The following IQSEC1 variants were observed in gnomAD, a reference collection of about 807,000 sequenced individuals.
The protein encoded by IQSEC1 is IQ motif and SEC7 domain-containing protein 1.
Under a neutral mutation model 91.0 loss-of-function variants are expected in IQSEC1, and 31 were observed. The ratio of observed to expected loss-of-function variants is 0.34; its 90% CI spans 0.26 to 0.46. The LOEUF (loss-of-function observed/expected upper bound fraction) is 0.46, where lower values mean the gene tolerates loss of function less well. Ranked by LOEUF, IQSEC1 falls within the 20% of genes least tolerant of loss-of-function variation. The pLI is 1.00. For missense variants in IQSEC1, 1,388 were observed against 1,575.6 expected, an observed-to-expected ratio of 0.88 and a Z score of 2.02; for synonymous variants, 699 against 662.6, an observed-to-expected ratio of 1.05 and a Z score of -0.84.
At chr3:13,052,135 C>T (rs1381709511) in intron 1 of IQSEC1, among the ~76,000 whole-genome samples, 2 of 152,168 alleles carry the variant, frequency 1.3e-5, no homozygotes, top group African/African-American at 4.8e-5. Context: ...TGTGTGTGGC[C>T]AGCATGATGA....
chr3:13,045,072 G>T (rs1473112915), intron 1 of IQSEC1, among the ~76,000 whole-genome samples: 1 of 152,216 alleles, frequency 6.6e-6, no homozygotes, highest in East Asian at 1.9e-4. Context: ...AGGCAAGATG[G>T]CAGGATGGGG....
Position 12,900,108 on chromosome 3 carries a change from C to T in IQSEC1, c.*875G>A, listed in dbSNP as rs1265223478. On this transcript the variant is annotated 3_prime_UTR_variant, in exon 14 of 14. Transcript: ENST00000613206. ...GAGTGTACTGCAGTTTAGCTATTTG[C>T]TTACCTGAAATAACAGCATTATAAT... The T allele has an allele frequency of 3.1e-6, 3 of 979,848 alleles. No homozygotes were observed. In the African/African-American group the frequency reaches 5.3e-5, roughly 17 times the overall value. 60.7% of individuals were successfully genotyped at this position (979,848 alleles called of 1,614,324 possible).
intron 2 of IQSEC1, among the ~76,000 whole-genome samples, chr3:13,151,239 G>C (rs919578030): frequency 2.0e-5 from 3 of 152,196 alleles, no homozygotes; most frequent in Admixed American, 1.3e-4. Flanking sequence ...GCTTCTCTAA[G>C]AGAGAGGTGG....
intron 1 of IQSEC1, among the ~76,000 whole-genome samples, chr3:13,219,052 T>C (rs1023852095): frequency 2.0e-5 from 3 of 152,194 alleles, no homozygotes; most frequent in East Asian, 3.9e-4. Flanking sequence ...TGGGCCACCA[T>C]GTCAGTCTCC....
chr3:12,936,712 G>A lies in IQSEC1; in HGVS notation c.319-15C>T. ...AGCATCTCCACCTGCGGGTGGGAGA[G>A]GAGAATGAGAACAGCACTGCATGTA... On this transcript the variant is annotated splice_polypyrimidine_tract_variant and intron_variant, in intron 2 of 13. Transcript: ENST00000613206. 6.4e-7 allele frequency: 1 copy of A among 1,554,214 alleles called. No homozygotes were observed. Among genetic ancestry groups the A allele is most frequent in the South Asian group, 1.2e-5 (1 of 84,992 alleles).
At chr3:13,109,332 G>T (rs538013655) in intron 2 of IQSEC1, among the ~76,000 whole-genome samples, 1 of 152,140 alleles carries the variant, frequency 6.6e-6, no homozygotes, top group South Asian at 2.1e-4. Flanking sequence ...AGGAAATAAG[G>T]TGAAATACAA....
At chr3:13,054,107 G>A (rs532679536) in intron 1 of IQSEC1, among the ~76,000 whole-genome samples, 4 of 152,308 alleles carry the variant, frequency 2.6e-5, no homozygotes, top group South Asian at 2.1e-4. Context: ...CCTGGCAGGC[G>A]TTCCCCTGCC....
chr3:13,165,111 G>A (rs1051058822), intron 1 of IQSEC1, among the ~76,000 whole-genome samples: 10 of 152,162 alleles, frequency 6.6e-5, no homozygotes, highest in African/African-American at 1.7e-4. Context: ...CAGCCTGGTC[G>A]CGCTCACCAG....
intron 1 of IQSEC1, among the ~76,000 whole-genome samples, chr3:13,014,801 C>T (rs1393084126): frequency 6.6e-6 from 1 of 152,178 alleles, no homozygotes; most frequent in African/African-American, 2.4e-5. Context: ...CCCCAACACG[C>T]TCCCAGCCCC....
intron 1 of IQSEC1, among the ~76,000 whole-genome samples, chr3:13,169,522 T>C (rs536560603): frequency 8.6e-5 from 13 of 152,008 alleles, no homozygotes; most frequent in African/African-American, 3.1e-4. Context: ...GTTGGAACAG[T>C]TTGGAGGGCT....
chr3:13,226,908 C>T (rs1227845492), intron 1 of IQSEC1, among the ~76,000 whole-genome samples: 1 of 152,146 alleles, frequency 6.6e-6, no homozygotes, highest in Admixed American at 6.5e-5. Flanking sequence ...GCCTCCACCC[C>T]CAAGGACTGG....
chr3:12,905,467 G>C (rs374329549), intron 12 of IQSEC1, among the ~76,000 whole-genome samples: 120 of 152,386 alleles, frequency 7.9e-4, no homozygotes, highest in African/African-American at 2.5e-3. Context: ...AGGCATGCCT[G>C]AAAGGCTTTC....
At chr3:13,179,895 C>T (rs1693807195) in intron 1 of IQSEC1, among the ~76,000 whole-genome samples, 1 of 152,248 alleles carries the variant, frequency 6.6e-6, no homozygotes, top group Non-Finnish European at 1.5e-5. Context: ...GGTTTAGCAC[C>T]TGGGCCAGCA....
chr3:12,932,224 C>G (rs1299143060), intron 3 of IQSEC1, among the ~76,000 whole-genome samples: 2 of 152,182 alleles, frequency 1.3e-5, no homozygotes, highest in Admixed American at 1.3e-4. Context: ...TGCTGGGCAC[C>G]TGCCCCAGCT....
rs1216117325 is a variant in IQSEC1, at chr3:12,909,077, G to A, written c.2578+196C>T. On this transcript the variant is annotated intron_variant, in intron 11 of 13. Coordinates refer to ENST00000613206, the MANE Select transcript of IQSEC1 (RefSeq NM_001134382.3). The surrounding 1 kb of genome is among the most constrained non-coding windows in gnomAD (Gnocchi z 4.9). ...ATACAACAGGCAACAGGTAGGGCGGGTCCTGGATTGGACTCCCTCTGTGCC... is the reference window on the plus strand; with the variant it reads ...ATACAACAGGCAACAGGTAGGGCGGATCCTGGATTGGACTCCCTCTGTGCC... 1.3e-5 allele frequency among the ~76,000 whole-genome samples: 2 copies of A among 152,230 alleles called. No individual in the cohort carries two copies. The highest frequency in any genetic ancestry group is 4.8e-5 in the African/African-American group (2 of 41,458).
intron 1 of IQSEC1, among the ~76,000 whole-genome samples, chr3:13,223,159 C>T (rs968525828): frequency 1.2e-4 from 18 of 152,246 alleles, no homozygotes; most frequent in African/African-American, 4.3e-4. Flanking sequence ...CCTGACTCTC[C>T]ACACTCCCTC....
intron 1 of IQSEC1, among the ~76,000 whole-genome samples, chr3:13,070,156 T>C (rs115079620): frequency 0.013 from 1,990 of 152,292 alleles, 41 homozygotes; most frequent in African/African-American, 0.043. Flanking sequence ...GGCTGTGCCA[T>C]GCACAGGGCC....
Position 13,193,474 on chromosome 3 carries a change from A to C in IQSEC1, c.273-29341T>G, listed in dbSNP as rs1161849983. On this transcript the variant is annotated intron_variant, in intron 1 of 15. Transcript: ENST00000648114. The surrounding 1 kb of genome is among the most constrained non-coding windows in gnomAD (Gnocchi z 4.2). ...GGAAGGGGAGCACGCTGGGGGATGA[A>C]GGATGTGGACGGTCGGGTGGTGACT... Among the ~76,000 whole-genome samples, 3 of 152,128 alleles carry C rather than the reference A, an allele frequency of 2.0e-5. No homozygotes were observed. Among genetic ancestry groups the C allele is most frequent in the Non-Finnish European group, 2.9e-5 (2 of 68,012 alleles).
intron 8 of IQSEC1, among the ~76,000 whole-genome samples, chr3:12,914,894 A>T (rs1695926074): frequency 6.6e-6 from 1 of 151,952 alleles, no homozygotes; most frequent in Admixed American, 6.5e-5. Flanking sequence ...AACAAGAGGG[A>T]GCAGGAGTCT....
Sources: gnomAD v4.1 joint callset for allele counts (sites outside exome capture counted in the v4.1 genomes callset) on GRCh38, gnomAD v4.1.1 for gene constraint, Gnocchi (gnomAD v3.1) non-coding constraint, MANE v1.5 for transcripts, NCBI Gene and HGNC (gene_info 2026-07-23, HGNC 2026-07-21) for gene names.